KLHL29: variants seen among roughly 807,000 people sequenced by gnomAD.
KLHL29 encodes the protein kelch like family member 29.
In KLHL29, 21 loss-of-function variants were observed where a neutral mutation model predicts 80.4. That is an observed-to-expected ratio of 0.26 (90% CI 0.19 to 0.38). The LOEUF (loss-of-function observed/expected upper bound fraction) is 0.38. Ranked by LOEUF, KLHL29 falls within the 10% of genes least tolerant of loss-of-function variation. The pLI is 1.00. For missense variants in KLHL29, 867 were observed against 1,223.9 expected (o/e 0.71, Z 4.35); for synonymous variants, 511 against 526.8 (o/e 0.97, Z 0.41).
intron 2 of KLHL29, among the ~76,000 whole-genome samples, chr2:23,504,185 G>A (rs925153793): frequency 3.9e-5 from 6 of 152,190 alleles, no homozygotes; most frequent in Admixed American, 1.3e-4. Context: ...GTTTTAATAC[G>A]TTCCAGAAGT....
intron 1 of KLHL29, among the ~76,000 whole-genome samples, chr2:23,399,734 C>T (rs937031584): frequency 6.6e-6 from 1 of 152,290 alleles, no homozygotes; most frequent in South Asian, 2.1e-4. Flanking sequence ...CTCTTCTGGT[C>T]AACCCCCATC....
At position 23,700,161 on chromosome 2, in the gene KLHL29, G is replaced by A. The variant is rs1286995160; in HGVS notation, c.2106-3025G>A. On this transcript the variant is annotated intron_variant, in intron 11 of 13. Transcript: ENST00000486442. The surrounding 1 kb of genome is among the most constrained non-coding windows in gnomAD (Gnocchi z 4.6). The stretch of plus-strand genomic sequence containing the variant: ...TACACATTTAATCTTTCATTATCCA[G>A]TTGGACTCCTTCCTATTTTAGCATG... 6.6e-6 allele frequency among the ~76,000 whole-genome samples: 1 copy of A among 152,080 alleles called. No individual in the cohort carries two copies. The highest frequency in any genetic ancestry group is 1.9e-4 in the East Asian group (1 of 5,184).
chr2:23,693,630 T>C, intron 8 of KLHL29, 102 bp downstream of exon 8: 2 of 1,233,396 alleles, frequency 1.6e-6, no homozygotes, highest in Non-Finnish European at 2.3e-6. Flanking sequence ...TTCCTTGTCC[T>C]GCTCTCCCTA....
intron 2 of KLHL29, among the ~76,000 whole-genome samples, chr2:23,483,672 C>G (rs1664856965): frequency 6.6e-6 from 1 of 152,174 alleles, no homozygotes; most frequent in African/African-American, 2.4e-5. Flanking sequence ...AGCTTCCTCT[C>G]CTGGATCATG....
chr2:23,627,724 G>C (rs1318133860), intron 3 of KLHL29, among the ~76,000 whole-genome samples: 1 of 52,750 alleles, frequency 1.9e-5, no homozygotes, highest in Non-Finnish European at 3.8e-5. Flanking sequence ...GTCGTGTCAG[G>C]ATTGTTGTGT....
At chr2:23,613,392 A>G (rs1668917132) in intron 3 of KLHL29, among the ~76,000 whole-genome samples, 1 of 152,230 alleles carries the variant, frequency 6.6e-6, no homozygotes, top group Non-Finnish European at 1.5e-5. Flanking sequence ...ACTATGCATA[A>G]AAGCAGGTGT....
At position 23,693,361 on chromosome 2, in the gene KLHL29, G is replaced by A. The variant is rs1336482943; in HGVS notation, c.1375G>A (p.Ala459Thr). ...SELYHMAKAF[A>T]LQIFPEVAAQ... ...GCTCTACCACATGGCCAAGGCCTTC[G>A]CGCTGCAGATCTTCCCCGAGGTGGC... Residue 459 changes from alanine to threonine, a missense_variant, in exon 8 of 14, where the codon GCG (alanine) becomes ACG (threonine). Ala to Thr is a moderately conservative substitution (Grantham distance 58). This residue lies in a region of KLHL29 where 443 missense variants were observed against 767.0 expected (regional missense o/e 0.58). Coordinates refer to ENST00000486442, the MANE Select transcript of KLHL29 (RefSeq NM_052920.2). The A allele has an allele frequency of 4.5e-6, 7 of 1,551,696 alleles. No individual in the cohort carries two copies. The highest frequency in any genetic ancestry group is 2.4e-5 in the East Asian group (1 of 40,908).
intron 1 of KLHL29, among the ~76,000 whole-genome samples, chr2:23,413,413 T>C (rs1666911543): frequency 6.6e-6 from 1 of 152,202 alleles, no homozygotes; most frequent in Non-Finnish European, 1.5e-5. Context: ...TGTCACCATA[T>C]GGTCACTCCA....
intron 5 of KLHL29, among the ~76,000 whole-genome samples, chr2:23,648,428 G>A (rs1262191435): frequency 6.6e-6 from 1 of 152,082 alleles, no homozygotes; most frequent in East Asian, 1.9e-4. Flanking sequence ...CCAGGTTAAT[G>A]AGTCCCAGGA....
intron 3 of KLHL29, among the ~76,000 whole-genome samples, chr2:23,577,121 T>C (rs1197000176): frequency 6.6e-6 from 1 of 152,160 alleles, no homozygotes; most frequent in East Asian, 1.9e-4. Flanking sequence ...TGCGTCTTCT[T>C]TAGTTCAGAC....
chr2:23,606,021 A>G (rs977876168), intron 3 of KLHL29, among the ~76,000 whole-genome samples: 4 of 152,006 alleles, frequency 2.6e-5, no homozygotes, highest in South Asian at 4.2e-4. Context: ...TGCCCACCTC[A>G]GCCTCCCAAA....
rs575705562 is a variant in KLHL29, at chr2:23,523,973, C to A, written c.-45-38179C>A. The A allele has an allele frequency of 1.0e-4, 47 of 471,518 alleles. No individual in the cohort carries two copies. In the East Asian group the frequency reaches 3.0e-3, roughly 30 times the overall value. The allele number at this position is 471,518 out of a possible 1,614,324, so 29.2% of individuals were successfully genotyped here. A position where few individuals can be genotyped will look rare whatever the true frequency, so the allele number is the denominator to read the frequency against. On this transcript the variant is annotated intron_variant, in intron 2 of 13. Transcript: ENST00000486442. ...TACCTCGTAAAGAGAAGATTCCATG[C>A]GTCTTTCGGGAGCTTGCCTAAACAC...
intron 1 of KLHL29, among the ~76,000 whole-genome samples, chr2:23,408,239 A>AG (rs1159266487): frequency 7.4e-6 from 1 of 135,076 alleles, no homozygotes; most frequent in Non-Finnish European, 1.6e-5. Context: ...TATAGCCCAG[A>AG]GGAAATTTAG....
chr2:23,631,777 G>A (rs1435791164), intron 3 of KLHL29, among the ~76,000 whole-genome samples: 1 of 152,148 alleles, frequency 6.6e-6, no homozygotes, highest in African/African-American at 2.4e-5. Flanking sequence ...GTGTCCTTCT[G>A]ACCCCCTGAA....
chr2:23,699,456 G>A (rs536365214), intron 11 of KLHL29, among the ~76,000 whole-genome samples: 10 of 152,174 alleles, frequency 6.6e-5, no homozygotes, highest in Non-Finnish European at 1.2e-4. Context: ...CAAGGAACCC[G>A]ACAGAAACAC....
chr2:23,519,521 A>G (rs567656926), intron 2 of KLHL29, among the ~76,000 whole-genome samples: 24 of 152,152 alleles, frequency 1.6e-4, no homozygotes, highest in African/African-American at 5.5e-4. Flanking sequence ...GTGTTGCCCT[A>G]TTTAGGAGCT....
intron 2 of KLHL29, among the ~76,000 whole-genome samples, chr2:23,505,389 C>T (rs576961901): frequency 7.2e-5 from 11 of 152,322 alleles, no homozygotes; most frequent in Non-Finnish European, 1.3e-4. Flanking sequence ...GGACACTTTG[C>T]TCAGAGGCCT....
chr2:23,518,971 C>A (rs1666019178), intron 2 of KLHL29, among the ~76,000 whole-genome samples: 1 of 152,228 alleles, frequency 6.6e-6, no homozygotes, highest in South Asian at 2.1e-4. Context: ...CCCAGGCAAT[C>A]CTTAACCCAG....
intron 3 of KLHL29, among the ~76,000 whole-genome samples, chr2:23,609,705 C>T (rs886859843): frequency 1.3e-5 from 2 of 152,126 alleles, no homozygotes; most frequent in Non-Finnish European, 2.9e-5. Context: ...ATAATACGCT[C>T]TTACCATGTG....
Sources: allele counts gnomAD v4.1 joint callset (sites outside exome capture counted in the v4.1 genomes callset), GRCh38; gene constraint gnomAD v4.1.1; regional missense constraint gnomAD v4.1.1; non-coding constraint Gnocchi (gnomAD v3.1); transcripts MANE v1.5; gene names NCBI Gene and HGNC (gene_info 2026-07-23, HGNC 2026-07-21).